The following KCTD8 variants were observed in gnomAD, a reference collection of about 807,000 sequenced individuals.
KCTD8 encodes potassium channel tetramerization domain containing 8.
In KCTD8, 27 loss-of-function variants were observed where a neutral mutation model predicts 31.5. That is an observed-to-expected ratio of 0.86 (90% CI 0.63 to 1.18). KCTD8 has a LOEUF of 1.18. Among genes scored for constraint, KCTD8 ranks in the 50% most tolerant of loss-of-function variants. KCTD8 has a pLI of 0.00. For synonymous variants in KCTD8, 290 were observed against 280.0 expected (o/e 1.04, Z -0.36); for missense variants, 658 against 647.7 (o/e 1.02, Z -0.17).
chr4:44,433,354 C>G (rs1469141903), intron 1 of KCTD8, among the ~76,000 whole-genome samples: 1 of 151,656 alleles, frequency 6.6e-6, no homozygotes, highest in Non-Finnish European at 1.5e-5. Flanking sequence ...TAAACTTTCA[C>G]TAATAATTTC....
At chr4:44,395,268 T>A (rs1376582804) in intron 1 of KCTD8, among the ~76,000 whole-genome samples, 1 of 152,044 alleles carries the variant, frequency 6.6e-6, no homozygotes, top group African/African-American at 2.4e-5. Flanking sequence ...TACAGGGTGG[T>A]CACAGGAGAA....
At chr4:44,441,627 G>C (rs1216589182) in intron 1 of KCTD8, among the ~76,000 whole-genome samples, 2 of 152,112 alleles carry the variant, frequency 1.3e-5, no homozygotes, top group East Asian at 3.9e-4. Flanking sequence ...AAATAAGACA[G>C]AACTATTCAA....
At chr4:44,426,765 C>A (rs1463332958) in intron 1 of KCTD8, among the ~76,000 whole-genome samples, 1 of 151,640 alleles carries the variant, frequency 6.6e-6, no homozygotes, top group Non-Finnish European at 1.5e-5. Flanking sequence ...TCCACTTAAC[C>A]ATCATGAAAC....
rs1249992908 is a variant in KCTD8 at position 44,448,801 on chromosome 4, G to T, written c.-278C>A. 6.2e-6 allele frequency: 2 copies of T among 323,812 alleles called. No individual in the cohort carries two copies. The highest frequency in any genetic ancestry group is 1.1e-5 in the Non-Finnish European group (2 of 179,508). 20.1% of individuals were successfully genotyped at this position (323,812 alleles called of 1,614,324 possible). On this transcript the variant is annotated 5_prime_UTR_variant, in exon 1 of 2. Coordinates refer to ENST00000360029, the MANE Select transcript of KCTD8 (RefSeq NM_198353.3). The surrounding 1 kb of genome is among the most constrained non-coding windows in gnomAD (Gnocchi z 4.1). ...CTGCTGCTCCTTTGGGGCGAGGGCG[G>T]GGAAGTGTGAGAGAGACTTGCGAGA...
At chr4:44,321,030 C>T (rs557911376) in intron 1 of KCTD8, among the ~76,000 whole-genome samples, 130 of 152,246 alleles carry the variant, frequency 8.5e-4, no homozygotes, top group African/African-American at 3.0e-3. Context: ...GAGAATCTGT[C>T]CCTTGTAATG....
intron 1 of KCTD8, among the ~76,000 whole-genome samples, chr4:44,388,061 G>A (rs1014514681): frequency 6.8e-6 from 1 of 147,326 alleles, no homozygotes; most frequent in South Asian, 2.1e-4. Flanking sequence ...GACATGAACA[G>A]ACACTGCAAA....
At position 44,339,051 on chromosome 4, in the gene KCTD8, T is replaced by C. The variant is rs140935157; in HGVS notation, c.961+108512A>G. On this transcript the variant is annotated intron_variant, in intron 1 of 1. Transcript: ENST00000360029. ...AGCTGTCTGAAGGCCACACGTAATA[T>C]AGAAATTTAGGGTTAATAAAGTGAT... Among the ~76,000 whole-genome samples, 493 of 152,286 alleles carry C rather than the reference T, an allele frequency of 3.2e-3. 4 individuals are homozygous for C. Among genetic ancestry groups the C allele is most frequent in the Non-Finnish European group, 5.2e-3 (356 of 68,006 alleles).
chr4:44,283,272 A>G (rs180942356), intron 1 of KCTD8, among the ~76,000 whole-genome samples: 4 of 152,096 alleles, frequency 2.6e-5, no homozygotes, highest in Admixed American at 2.6e-4. Flanking sequence ...CTGGTCTCAA[A>G]CTCCTGACCT....
rs1167700381 is a variant in KCTD8 at position 44,202,678 on chromosome 4, T to C, written c.962-27428A>G. On this transcript the variant is annotated intron_variant, in intron 1 of 1. Transcript: ENST00000360029. ...CTGAAAAACTCACTATTGGGTATTA[T>C]GCTCACTATCTGGGTGATAGGATCA... is the stretch of plus-strand genomic sequence containing the variant. Among the ~76,000 whole-genome samples the C allele has an allele frequency of 5.9e-5, 9 of 152,228 alleles. No homozygotes were observed. The East Asian group carries it at 1.4e-3, about 23-fold the overall frequency.
At chr4:44,194,743 T>A (rs1365278915) in intron 1 of KCTD8, among the ~76,000 whole-genome samples, 1 of 134,592 alleles carries the variant, frequency 7.4e-6, no homozygotes, top group Non-Finnish European at 1.6e-5. Context: ...ATATTTTCTC[T>A]CTCCCTTCCC....
chr4:44,447,476 C>A (rs935082580), intron 1 of KCTD8, 87 bp downstream of exon 1: 10 of 1,432,662 alleles, frequency 7.0e-6, no homozygotes, highest in Non-Finnish European at 9.1e-6. Flanking sequence ...CCCCGGACAC[C>A]CCCGCGGGGC....
At chr4:44,415,433 T>C (rs907577543) in intron 1 of KCTD8, among the ~76,000 whole-genome samples, 1 of 152,126 alleles carries the variant, frequency 6.6e-6, no homozygotes, top group African/African-American at 2.4e-5. Context: ...AACCTGGTGC[T>C]AATATCAAAG....
Position 44,448,420 on chromosome 4 carries a change from C to A in KCTD8, c.104G>T (p.Gly35Val), listed in dbSNP as rs889916640. The change falls in exon 1 of 2, where the codon GGG becomes GTG. Residue 35 changes from glycine to valine, a missense_variant. Coordinates refer to ENST00000360029, the MANE Select transcript of KCTD8 (RefSeq NM_198353.3). This position sits in a 1 kb window ranked among gnomAD's most constrained non-coding sequence, Gnocchi z 4.1. ...SPGASAAAAPGPCAPSPFPEV... is the reference protein window; with the variant it reads ...SPGASAAAAPVPCAPSPFPEV... ...AGGGAAGGGCGAGGGTGCGCAGGGC[C>A]CCGGGGCGGCGGCGGCCGACGCGCC... The A allele has an allele frequency of 1.3e-6, 2 of 1,564,826 alleles. No individual in the cohort carries two copies. Among genetic ancestry groups the A allele is most frequent in the African/African-American group, 2.8e-5 (2 of 72,332 alleles).
intron 1 of KCTD8, among the ~76,000 whole-genome samples, chr4:44,415,797 G>T (rs1435777090): frequency 1.3e-5 from 2 of 152,212 alleles, no homozygotes; most frequent in Non-Finnish European, 2.9e-5. Flanking sequence ...AAGTCTAAAT[G>T]CCCAGGCAGA....
At chr4:44,284,795 TCAAAAAA>T (rs1717006887) in intron 1 of KCTD8, among the ~76,000 whole-genome samples, 1 of 152,014 alleles carries the variant, frequency 6.6e-6, no homozygotes, top group African/African-American at 2.4e-5. Flanking sequence ...AACAGCCCCA[TCAAAAAA>T]TGGGCAAAGG....
intron 1 of KCTD8, among the ~76,000 whole-genome samples, chr4:44,278,006 G>T (rs1289180843): frequency 6.6e-6 from 1 of 151,950 alleles, no homozygotes; most frequent in Non-Finnish European, 1.5e-5. Context: ...TTGCCTTCTG[G>T]AAGGCTCAGG....
At chr4:44,445,823 A>C (rs922524319) in intron 1 of KCTD8, among the ~76,000 whole-genome samples, 4 of 152,232 alleles carry the variant, frequency 2.6e-5, no homozygotes, top group African/African-American at 9.6e-5. Flanking sequence ...GAAATGACTT[A>C]AATGGTTTAA....
chr4:44,380,778 T>C (rs1459408787), intron 1 of KCTD8, among the ~76,000 whole-genome samples: 1 of 151,942 alleles, frequency 6.6e-6, no homozygotes, highest in East Asian at 1.9e-4. Flanking sequence ...GTTTTATGTC[T>C]AGATTGAAGA....
At chr4:44,442,961 T>C (rs1271023469) in intron 1 of KCTD8, among the ~76,000 whole-genome samples, 1 of 152,104 alleles carries the variant, frequency 6.6e-6, no homozygotes, top group Admixed American at 6.5e-5. Flanking sequence ...CAAAAAAATA[T>C]AAGTTCAAAG....
Sources: gnomAD v4.1 joint callset for allele counts (sites outside exome capture counted in the v4.1 genomes callset) on GRCh38, gnomAD v4.1.1 for gene constraint, Gnocchi (gnomAD v3.1) non-coding constraint, MANE v1.5 for transcripts, NCBI Gene and HGNC (gene_info 2026-07-23, HGNC 2026-07-21) for gene names.